HDX: variants seen among roughly 807,000 people sequenced by gnomAD.
The protein encoded by HDX is highly divergent homeobox.
In HDX, 19 loss-of-function variants were observed where a neutral mutation model predicts 45.2. That is an observed-to-expected ratio of 0.42 (90% CI 0.29 to 0.62). The LOEUF (loss-of-function observed/expected upper bound fraction) is 0.62, where lower values mean the gene tolerates loss of function less well. HDX is among the 20% of genes least tolerant of loss of function. The pLI is 0.20. For synonymous variants in HDX, 188 were observed against 172.8 expected (o/e 1.09, Z -0.69); for missense variants, 532 against 493.9 (o/e 1.08, Z -0.73).
chrX:84,432,118 C>T (rs1286205241), intron 5 of HDX, among the ~76,000 whole-genome samples: 1 of 110,988 alleles, frequency 9.0e-6, no homozygotes, highest in African/African-American at 3.3e-5. Flanking sequence ...TTGTTTTTGC[C>T]AACTTTGTCA....
intron 4 of HDX, among the ~76,000 whole-genome samples, chrX:84,462,427 A>G (rs2040259208): frequency 8.9e-6 from 1 of 112,055 alleles, no homozygotes; most frequent in Non-Finnish European, 1.9e-5. Flanking sequence ...CAGAAAGACA[A>G]ACATCATATA....
chrX:84,491,214 A>T (rs1423452987), intron 1 of HDX, among the ~76,000 whole-genome samples: 1 of 111,683 alleles, frequency 9.0e-6, no homozygotes, highest in Non-Finnish European at 1.9e-5. Flanking sequence ...TGCTCCATTC[A>T]TTTATTTCTC....
At chrX:84,436,516 T>C (rs1403419614) in intron 5 of HDX, among the ~76,000 whole-genome samples, 1 of 112,125 alleles carries the variant, frequency 8.9e-6, no homozygotes, top group East Asian at 2.8e-4. Flanking sequence ...GGTTTTGGTA[T>C]GTTGTGTTTC....
At chrX:84,476,300 T>C in intron 2 of HDX, among the ~76,000 whole-genome samples, 1 of 110,833 alleles carries the variant, frequency 9.0e-6, no homozygotes, top group East Asian at 2.8e-4. Context: ...TTAAAAGCTG[T>C]CACACTAAAC....
intron 5 of HDX, among the ~76,000 whole-genome samples, chrX:84,406,469 T>TACAC (rs369018765): frequency 3.2e-4 from 28 of 86,541 alleles, no homozygotes; most frequent in African/African-American, 9.4e-4. Flanking sequence ...TAATCTCACA[T>TACAC]ACACACACAC....
At chrX:84,329,392 G>A (rs1266088112) in intron 9 of HDX, among the ~76,000 whole-genome samples, 1 of 111,438 alleles carries the variant, frequency 9.0e-6, no homozygotes, top group Non-Finnish European at 1.9e-5. Context: ...CAGCTACTTT[G>A]GAAAATATTT....
chrX:84,365,742 T>G (rs2037734235), intron 5 of HDX, among the ~76,000 whole-genome samples: 1 of 112,193 alleles, frequency 8.9e-6, no homozygotes, highest in Admixed American at 9.5e-5. Context: ...ATATGAGGCC[T>G]TAATTTTAGG....
At chrX:84,343,251 AAATG>A (rs1172609466) in intron 7 of HDX, among the ~76,000 whole-genome samples, 1 of 110,464 alleles carries the variant, frequency 9.1e-6, no homozygotes, top group Non-Finnish European at 1.9e-5. Flanking sequence ...TCTATATTTA[AAATG>A]AATGATTTTA....
At chrX:84,487,085 CT>C (rs1291963595) in intron 2 of HDX, among the ~76,000 whole-genome samples, 1 of 111,700 alleles carries the variant, frequency 9.0e-6, no homozygotes, top group Non-Finnish European at 1.9e-5. Flanking sequence ...AGTTCACTGA[CT>C]GTTTCCACTG....
intron 6 of HDX, among the ~76,000 whole-genome samples, chrX:84,348,605 A>G (rs995558630): frequency 9.0e-6 from 1 of 111,695 alleles, no homozygotes; most frequent in African/African-American, 3.3e-5. Flanking sequence ...AAAAGAACTA[A>G]AAGAACTAGG....
chrX:84,438,200 AT>A (rs2039682084), intron 5 of HDX, among the ~76,000 whole-genome samples: 1 of 110,783 alleles, frequency 9.0e-6, no homozygotes, highest in Non-Finnish European at 1.9e-5. Context: ...CTAATGTGTC[AT>A]TTTATTCTTT....
Position 84,468,762 on chromosome X carries a change from G to C in HDX, c.961C>G (p.Pro321Ala), listed in dbSNP as rs749266263. ...CTTTCATAAAATCTCGAATAGCTTGGTATCTGTGCTCTCATCGATGCCAGC... is the reference window on the plus strand; with the variant it reads ...CTTTCATAAAATCTCGAATAGCTTGCTATCTGTGCTCTCATCGATGCCAGC... ...EELASMRAQI[P>A]SYSRFYESGS... The change falls in exon 4 of 11, where the codon CCA becomes GCA. Residue 321 changes from proline to alanine, a missense_variant. Pro to Ala is a conservative substitution (Grantham distance 27, BLOSUM62 -1). Transcript: ENST00000373177. 4.1e-6 allele frequency: 5 copies of C among 1,209,562 alleles called. No individual in the cohort carries two copies. The Admixed American group carries it at 8.8e-5, about 21-fold the overall frequency.
intron 6 of HDX, among the ~76,000 whole-genome samples, chrX:84,360,148 G>T (rs2037585971): frequency 9.0e-6 from 1 of 111,645 alleles, no homozygotes. Context: ...CTCAAAAGAA[G>T]AAATTTATGC....
At chrX:84,361,440 C>T (rs2037620642) in intron 6 of HDX, 26 bp downstream of exon 6, 1 of 1,187,364 alleles carries the variant, frequency 8.4e-7, no homozygotes, top group Middle Eastern at 2.3e-4. Context: ...GCAACTATAG[C>T]ATGAAAATTA....
At chrX:84,344,750 G>T (rs2037161401) in intron 6 of HDX, among the ~76,000 whole-genome samples, 1 of 110,825 alleles carries the variant, frequency 9.0e-6, no homozygotes, top group African/African-American at 3.3e-5. Flanking sequence ...GAATCATGAT[G>T]GTTAGCATGT....
chrX:84,450,312 C>A (rs1362371550), intron 4 of HDX, among the ~76,000 whole-genome samples: 1 of 111,159 alleles, frequency 9.0e-6, no homozygotes, highest in African/African-American at 3.3e-5. Flanking sequence ...GCAATCTCAC[C>A]TATAAAGGCA....
intron 5 of HDX, among the ~76,000 whole-genome samples, chrX:84,430,147 A>C (rs1324714598): frequency 1.8e-5 from 2 of 110,803 alleles, no homozygotes; most frequent in Non-Finnish European, 3.8e-5. Flanking sequence ...TGTCTCCTTT[A>C]ACAAATCTCT....
intron 5 of HDX, among the ~76,000 whole-genome samples, chrX:84,439,516 C>T (rs938997729): frequency 9.0e-6 from 1 of 111,183 alleles, no homozygotes; most frequent in Non-Finnish European, 1.9e-5. Context: ...AGGTTTTCCT[C>T]TAGGATTTTT....
At chrX:84,438,159 C>T (rs770144395) in intron 5 of HDX, among the ~76,000 whole-genome samples, 5 of 110,949 alleles carry the variant, frequency 4.5e-5, no homozygotes, top group Non-Finnish European at 9.4e-5. Context: ...GGGACCAAGA[C>T]ACCCTGTAGT....
Sources: allele counts gnomAD v4.1 joint callset (sites outside exome capture counted in the v4.1 genomes callset), GRCh38; gene constraint gnomAD v4.1.1; transcripts MANE v1.5; gene names NCBI Gene and HGNC (gene_info 2026-07-23, HGNC 2026-07-21).